RBFOX1: variants seen among roughly 807,000 people sequenced by gnomAD.
RBFOX1 encodes RNA binding fox-1 homolog 1, also known as RNA binding protein fox-1 homolog 1.
A neutral mutation model predicts 57.7 loss-of-function variants in RBFOX1; 8 were observed. The ratio of observed to expected loss-of-function variants is 0.14; its 90% CI spans 0.08 to 0.25. The LOEUF (loss-of-function observed/expected upper bound fraction) is 0.25, where lower values mean the gene tolerates loss of function less well. RBFOX1 is among the 10% of genes least tolerant of loss of function. The probability of loss-of-function intolerance (pLI) is 1.00; values close to 1 mark genes in which losing one functional copy is unlikely to be tolerated. For missense variants in RBFOX1, 611 were observed against 548.5 expected, an observed-to-expected ratio of 1.11 and a Z score of -1.14; for synonymous variants, 326 against 222.4, an observed-to-expected ratio of 1.47 and a Z score of -4.15.
At chr16:6,518,695 A>G (rs188432335) in intron 2 of RBFOX1, among the ~76,000 whole-genome samples, 28 of 152,106 alleles carry the variant, frequency 1.8e-4, no homozygotes, top group African/African-American at 5.3e-4. Flanking sequence ...TTATCTATGT[A>G]TGTATCTGTC....
At chr16:5,651,541 G>C (rs1348670245) in intron 3 of RBFOX1, among the ~76,000 whole-genome samples, 2 of 152,082 alleles carry the variant, frequency 1.3e-5, no homozygotes, top group East Asian at 1.9e-4. Context: ...ACCCTCCCAG[G>C]GTTGTCAGGA....
At chr16:7,218,083 G>C (rs888834121) in intron 4 of RBFOX1, among the ~76,000 whole-genome samples, 15 of 151,918 alleles carry the variant, frequency 9.9e-5, no homozygotes, top group African/African-American at 2.7e-4. Flanking sequence ...GTGCGTCTGT[G>C]TGTGTGTGTG....
At chr16:6,486,279 G>C (rs963515664) in intron 2 of RBFOX1, among the ~76,000 whole-genome samples, 3 of 151,704 alleles carry the variant, frequency 2.0e-5, no homozygotes, top group Non-Finnish European at 4.4e-5. Context: ...CCAATCTTGA[G>C]CTAAACAAAT....
rs948360841 is a variant in RBFOX1, at chr16:5,947,918, A to G, written c.351+80583A>G. ...ATTAGTTTGAATGGCTCTGCTCATT[A>G]TGGTACAGAATTTTAATTTGCAAAT... On this transcript the variant is annotated intron_variant, in intron 4 of 19. Coordinates refer to the RBFOX1 transcript ENST00000641259. This position sits in a 1 kb window ranked among gnomAD's most constrained non-coding sequence, Gnocchi z 7.2. Among the ~76,000 whole-genome samples, 2 of 152,220 alleles carry G rather than the reference A, an allele frequency of 1.3e-5. No homozygotes were observed. Among genetic ancestry groups the G allele is most frequent in the Non-Finnish European group, 2.9e-5 (2 of 68,044 alleles).
intron 1 of RBFOX1, among the ~76,000 whole-genome samples, chr16:5,272,763 C>A (rs1389934789): frequency 2.0e-5 from 3 of 152,176 alleles, no homozygotes; most frequent in Non-Finnish European, 2.9e-5. Context: ...TTTCTACTCA[C>A]CTCCTCTGTC....
chr16:6,307,751 CATG>C (rs1441986978), intron 1 of RBFOX1, among the ~76,000 whole-genome samples: 16 of 146,020 alleles, frequency 1.1e-4, no homozygotes, highest in East Asian at 4.2e-4. Flanking sequence ...ATATTTTATA[CATG>C]ATGATTGTTT....
At chr16:6,848,172 A>T (rs1370423854) in intron 3 of RBFOX1, among the ~76,000 whole-genome samples, 1 of 151,876 alleles carries the variant, frequency 6.6e-6, no homozygotes, top group East Asian at 2.0e-4. Flanking sequence ...AAGGAGGCTG[A>T]TCACAGCCTC....
intron 4 of RBFOX1, chr16:7,423,009 C>T (rs376690875): frequency 7.9e-5 from 12 of 152,102 alleles, no homozygotes; most frequent in African/African-American, 2.9e-4. Context: ...AACCTCGTGC[C>T]GGCTGGCTTC....
At chr16:6,523,859 T>C (rs1318510998) in intron 2 of RBFOX1, among the ~76,000 whole-genome samples, 1 of 152,162 alleles carries the variant, frequency 6.6e-6, no homozygotes, top group African/African-American at 2.4e-5. Context: ...ACCACAGTTT[T>C]TTATATTTAA....
intron 3 of RBFOX1, among the ~76,000 whole-genome samples, chr16:6,990,104 G>C (rs2091168770): frequency 6.6e-6 from 1 of 152,174 alleles, no homozygotes; most frequent in East Asian, 1.9e-4. Flanking sequence ...TTGTTTTTAT[G>C]TGAACATATG....
chr16:7,154,683 CTT>C (rs1309088957), intron 4 of RBFOX1, among the ~76,000 whole-genome samples: 5 of 132,846 alleles, frequency 3.8e-5, no homozygotes, highest in African/African-American at 1.2e-4. Context: ...GACCCTCTTC[CTT>C]TGTGTGTGTG....
intron 4 of RBFOX1, among the ~76,000 whole-genome samples, chr16:7,101,061 C>G (rs1244428155): frequency 1.3e-5 from 2 of 152,168 alleles, no homozygotes; most frequent in Non-Finnish European, 2.9e-5. Context: ...ACTAAAACAT[C>G]TCTCAAGTTT....
At chr16:5,887,418 G>T (rs532312599) in intron 4 of RBFOX1, among the ~76,000 whole-genome samples, 1 of 152,080 alleles carries the variant, frequency 6.6e-6, no homozygotes, top group East Asian at 1.9e-4. Flanking sequence ...TGTTTGTTTT[G>T]TGAGATGTAG....
At chr16:5,699,419 T>C (rs972108278) in intron 3 of RBFOX1, among the ~76,000 whole-genome samples, 10 of 152,094 alleles carry the variant, frequency 6.6e-5, no homozygotes, top group Admixed American at 4.6e-4. Context: ...TTAGTTTATT[T>C]CTTCTATGTT....
At chr16:7,258,535 C>G (rs1165293155) in intron 4 of RBFOX1, among the ~76,000 whole-genome samples, 1 of 152,062 alleles carries the variant, frequency 6.6e-6, no homozygotes, top group Admixed American at 6.6e-5. Flanking sequence ...GTTGTACATG[C>G]ACGTAAAAAT....
At chr16:6,742,744 A>G (rs1158537758) in intron 3 of RBFOX1, among the ~76,000 whole-genome samples, 3 of 152,216 alleles carry the variant, frequency 2.0e-5, no homozygotes, top group African/African-American at 4.8e-5. Context: ...TCAAAAGGTT[A>G]TAGACTATAC....
chr16:7,230,650 T>C (rs1481023073), intron 4 of RBFOX1, among the ~76,000 whole-genome samples: 1 of 152,158 alleles, frequency 6.6e-6, no homozygotes, highest in Non-Finnish European at 1.5e-5. Flanking sequence ...CTGGAACTTG[T>C]TTGTGAAAAT....
intron 3 of RBFOX1, among the ~76,000 whole-genome samples, chr16:7,016,636 G>A (rs557567724): frequency 2.6e-5 from 4 of 152,312 alleles, no homozygotes; most frequent in South Asian, 2.1e-4. Flanking sequence ...GGAAACAGGC[G>A]TGATACACGA....
intron 2 of RBFOX1, among the ~76,000 whole-genome samples, chr16:6,518,383 T>C (rs1236440761): frequency 6.6e-6 from 1 of 151,960 alleles, no homozygotes; most frequent in Non-Finnish European, 1.5e-5. Context: ...GGGTGTCAAG[T>C]TGGGGGTCAT....
Sources: allele counts gnomAD v4.1 joint callset (sites outside exome capture counted in the v4.1 genomes callset), GRCh38; gene constraint gnomAD v4.1.1; non-coding constraint Gnocchi (gnomAD v3.1); transcripts MANE v1.5; gene names NCBI Gene and HGNC (gene_info 2026-07-23, HGNC 2026-07-21).